Variants in PALMD observed in about 807,000 individuals in gnomAD.
The protein encoded by PALMD is paralemmin-like protein.
Under a neutral mutation model 56.2 loss-of-function variants are expected in PALMD, and 42 were observed. That is an observed-to-expected ratio of 0.75 (90% CI 0.58 to 0.97). The LOEUF (loss-of-function observed/expected upper bound fraction) is 0.97. Among genes scored for constraint, PALMD ranks in the 50% least tolerant of loss-of-function variants. PALMD has a pLI of 0.00. For missense variants in PALMD, 660 were observed against 643.8 expected, an observed-to-expected ratio of 1.03 and a Z score of -0.27; for synonymous variants, 242 against 222.9, an observed-to-expected ratio of 1.09 and a Z score of -0.76.
intron 2 of PALMD, among the ~76,000 whole-genome samples, chr1:99,665,030 A>AT (rs1277534958): frequency 6.6e-6 from 1 of 151,952 alleles, no homozygotes; most frequent in Admixed American, 6.6e-5. Flanking sequence ...TCATACAGAG[A>AT]TTTTTTTTCT....
chr1:99,683,090 GAAAGAAAGAAAGAAAGAAAGAAAGAA>G (rs1653399787), intron 3 of PALMD, among the ~76,000 whole-genome samples: 10 of 32,400 alleles, frequency 3.1e-4, no homozygotes, highest in Admixed American at 2.1e-3. Flanking sequence ...GAGAGAGAGA[GAAAGAAAGAAAGAAAGAAAGAAAGAA>G]AGAAAGAAAG....
At chr1:99,666,684 A>G (rs1460753086) in intron 2 of PALMD, among the ~76,000 whole-genome samples, 2 of 152,204 alleles carry the variant, frequency 1.3e-5, no homozygotes, top group Admixed American at 1.3e-4. Context: ...TTGGATACAT[A>G]ATGAGAGCCC....
chr1:99,663,569 A>T (rs978784797), intron 2 of PALMD, among the ~76,000 whole-genome samples: 3 of 151,684 alleles, frequency 2.0e-5, no homozygotes, highest in East Asian at 1.9e-4. Context: ...TCTCTCTCTC[A>T]CACACACACA....
chr1:99,685,717 C>T (rs1316765392), intron 3 of PALMD: 1 of 152,184 alleles, frequency 6.6e-6, no homozygotes, highest in East Asian at 1.9e-4. Context: ...CCACAGCTGT[C>T]ACCTCCTGGA....
At chr1:99,654,827 G>A (rs975354244) in intron 1 of PALMD, among the ~76,000 whole-genome samples, 5 of 152,070 alleles carry the variant, frequency 3.3e-5, no homozygotes, top group Admixed American at 1.3e-4. Context: ...TGCTTGGTTG[G>A]TTGATTTCTC....
intron 3 of PALMD, among the ~76,000 whole-genome samples, chr1:99,676,646 G>T (rs911272869): frequency 2.6e-5 from 4 of 151,882 alleles, no homozygotes; most frequent in African/African-American, 9.7e-5. Flanking sequence ...CGTGGTATTT[G>T]TCTGTTTCTG....
At chr1:99,680,405 C>A (rs940497351) in intron 3 of PALMD, among the ~76,000 whole-genome samples, 1 of 152,082 alleles carries the variant, frequency 6.6e-6, no homozygotes, top group Non-Finnish European at 1.5e-5. Flanking sequence ...ATTACAAATC[C>A]TTTTTCATGT....
At chr1:99,670,632 G>A (rs1653061602) in intron 3 of PALMD, among the ~76,000 whole-genome samples, 1 of 152,022 alleles carries the variant, frequency 6.6e-6, no homozygotes, top group African/African-American at 2.4e-5. Context: ...CTTTGTTTAA[G>A]GAATGATCCT....
rs555310393 is a variant in PALMD, at chr1:99,673,286, T to G, written c.251+5520T>G. On this transcript the variant is annotated intron_variant, in intron 3 of 7. Transcript: ENST00000263174. ...TCTTATTATTATTTCCATCCAAGTT[T>G]AACCCCTACTTAATGCTTTTAACTA... 6.6e-5 allele frequency among the ~76,000 whole-genome samples: 10 copies of G among 152,322 alleles called. No individual in the cohort carries two copies. The South Asian group carries it at 2.1e-3, about 32-fold the overall frequency.
At chr1:99,672,259 C>T (rs1653102969) in intron 3 of PALMD, among the ~76,000 whole-genome samples, 1 of 152,058 alleles carries the variant, frequency 6.6e-6, no homozygotes, top group South Asian at 2.1e-4. Flanking sequence ...GAGTATTTTG[C>T]CTTGTGCCCT....
At chr1:99,676,788 A>T (rs1653222729) in intron 3 of PALMD, among the ~76,000 whole-genome samples, 1 of 152,146 alleles carries the variant, frequency 6.6e-6, no homozygotes, top group South Asian at 2.1e-4. Context: ...AAAAGTAAAA[A>T]AAGAAAAAAA....
Position 99,689,706 on chromosome 1 carries a change from T to G in PALMD, c.1446T>G (p.Pro482=). 1 of 1,613,776 alleles carries G rather than the reference T, an allele frequency of 6.2e-7. No homozygotes were observed. The highest frequency in any genetic ancestry group is 1.3e-5 in the African/African-American group (1 of 74,990). Residue 482 remains proline, a synonymous_variant, in exon 7 of 8, where the codon CCT becomes CCG. Transcript: ENST00000263174. The part of the protein sequence containing the change: ...VYQPAKPTPL[P]RKRSEASPHE... The stretch of plus-strand genomic sequence containing the variant: ...AGCCAGCCAAACCAACACCACTTCC[T>G]AGAAAAAGATCAGAAGCTAGTCCTC...
intron 2 of PALMD, among the ~76,000 whole-genome samples, chr1:99,666,618 G>C (rs1652968279): frequency 6.6e-6 from 1 of 152,044 alleles, no homozygotes; most frequent in South Asian, 2.1e-4. Flanking sequence ...TAAATATAGT[G>C]AATCCCCAAT....
In PALMD at chr1:99,662,384, G is replaced by T; in HGVS notation, c.111G>T (p.Lys37Asn). ...TGAAAATAGAGGAAGACAAACTAAAGCACCAGCATTTGAAGGTAATTTATG... is the reference window on the plus strand; with the variant it reads ...TGAAAATAGAGGAAGACAAACTAAATCACCAGCATTTGAAGGTAATTTATG... Reference protein sequence around the residue: ...KRLKIEEDKLKHQHLKKKALR... With the variant: ...KRLKIEEDKLNHQHLKKKALR... Residue 37 changes from lysine to asparagine, a missense_variant, in exon 2 of 8, where the codon AAG becomes AAT. Lys to Asn is a moderately conservative substitution (Grantham distance 94, BLOSUM62 0). Transcript: ENST00000263174. 1 of 1,551,186 alleles carries T rather than the reference G, an allele frequency of 6.4e-7. No individual in the cohort carries two copies. The highest frequency in any genetic ancestry group is 1.2e-5 in the South Asian group (1 of 85,658).
chr1:99,647,178 TCCC>T (rs1239637344), intron 1 of PALMD, among the ~76,000 whole-genome samples: 1 of 152,220 alleles, frequency 6.6e-6, no homozygotes, highest in Non-Finnish European at 1.5e-5. Context: ...CAATCATTTA[TCCC>T]TAGCTATAAC....
intron 3 of PALMD, among the ~76,000 whole-genome samples, chr1:99,683,090 G>A (rs1478769583): frequency 3.1e-5 from 1 of 32,362 alleles, no homozygotes; most frequent in Non-Finnish European, 5.6e-5. Flanking sequence ...GAGAGAGAGA[G>A]AAAGAAAGAA....
intron 2 of PALMD, among the ~76,000 whole-genome samples, chr1:99,666,099 G>T (rs947085862): frequency 2.6e-5 from 4 of 152,032 alleles, no homozygotes; most frequent in African/African-American, 7.2e-5. Flanking sequence ...TAAATCTAGT[G>T]GTTTTCAAAC....
At chr1:99,651,206 G>C (rs774034332) in intron 1 of PALMD, among the ~76,000 whole-genome samples, 3 of 152,180 alleles carry the variant, frequency 2.0e-5, no homozygotes, top group Non-Finnish European at 2.9e-5. Flanking sequence ...GAGAGGGAAA[G>C]GTTTCTTCAA....
At chr1:99,655,807 C>T (rs549192425) in intron 1 of PALMD, among the ~76,000 whole-genome samples, 235 of 152,202 alleles carry the variant, frequency 1.5e-3, no homozygotes, top group African/African-American at 5.5e-3. Context: ...GATTATTCTC[C>T]TTAATCAAAA....
Sources: allele counts gnomAD v4.1 joint callset (sites outside exome capture counted in the v4.1 genomes callset), GRCh38; gene constraint gnomAD v4.1.1; transcripts MANE v1.5; gene names NCBI Gene and HGNC (gene_info 2026-07-23, HGNC 2026-07-21).